TEX29: variants seen among roughly 807,000 people sequenced by gnomAD.
TEX29 encodes testis expressed 29.
A neutral mutation model predicts 18.2 loss-of-function variants in TEX29; 26 were observed. The observed-to-expected ratio is 1.43, with a 90% CI of 1.04 to 1.98. TEX29 has a LOEUF of 1.98. Ranked by LOEUF, TEX29 falls within the 30% of genes most tolerant of loss-of-function variation. TEX29 has a pLI of 0.00. For synonymous variants in TEX29, 83 were observed against 78.5 expected (o/e 1.06, Z -0.31); for missense variants, 177 against 194.2 (o/e 0.91, Z 0.53).
chr13:111,328,654 G>GC (rs1484176230), intron 3 of TEX29, among the ~76,000 whole-genome samples: 5 of 152,216 alleles, frequency 3.3e-5, no homozygotes, highest in Non-Finnish European at 7.3e-5. Flanking sequence ...CGCCGGCAGG[G>GC]CCCGGGCCAG....
upstream of TEX29, among the ~76,000 whole-genome samples, chr13:111,316,611 G>T (rs1197415592): frequency 6.6e-6 from 1 of 152,262 alleles, no homozygotes; most frequent in Admixed American, 6.5e-5. Context: ...GCTGTCCACA[G>T]TGGCTGAGAA....
chr13:111,316,912 C>G (rs778512480), upstream of TEX29, among the ~76,000 whole-genome samples: 4 of 152,120 alleles, frequency 2.6e-5, no homozygotes, highest in African/African-American at 4.8e-5. Context: ...GGCACCTTCA[C>G]AAGGTGGTGA....
At chr13:111,334,306 T>G (rs961666647) in intron 3 of TEX29, among the ~76,000 whole-genome samples, 1 of 152,376 alleles carries the variant, frequency 6.6e-6, no homozygotes, top group East Asian at 1.9e-4. Flanking sequence ...GTCTTTATTC[T>G]TTGTGGTGTG....
chr13:111,322,960 T>C (rs1037582238), intron 2 of TEX29, among the ~76,000 whole-genome samples: 5 of 152,146 alleles, frequency 3.3e-5, no homozygotes, highest in Non-Finnish European at 7.4e-5. Flanking sequence ...TCAGGCCCTC[T>C]CTGCCACCCA....
At chr13:111,333,126 T>C (rs2093684935) in intron 3 of TEX29, among the ~76,000 whole-genome samples, 2 of 152,236 alleles carry the variant, frequency 1.3e-5, no homozygotes, top group African/African-American at 2.4e-5. Flanking sequence ...TTGTATATAA[T>C]GTGTCACTTC....
chr13:111,334,106 T>A (rs1215239872), intron 3 of TEX29, among the ~76,000 whole-genome samples: 1 of 152,240 alleles, frequency 6.6e-6, no homozygotes, highest in Non-Finnish European at 1.5e-5. Context: ...TTAATGGCAT[T>A]TTTTATGTAT....
intron 3 of TEX29, among the ~76,000 whole-genome samples, chr13:111,336,182 C>CT (rs1250309095): frequency 2.0e-5 from 3 of 152,218 alleles, no homozygotes; most frequent in African/African-American, 4.8e-5. Context: ...ATCATTCTAA[C>CT]TTTAACAGCT....
chr13:111,340,142 CAT>C (rs2093695620), intron 4 of TEX29, among the ~76,000 whole-genome samples: 3 of 151,802 alleles, frequency 2.0e-5, no homozygotes, highest in African/African-American at 4.8e-5. Flanking sequence ...AATCATAACC[CAT>C]GTTTAGTGAG....
At chr13:111,343,163 C>T (rs1349684977) in intron 5 of TEX29, among the ~76,000 whole-genome samples, 1 of 152,216 alleles carries the variant, frequency 6.6e-6, no homozygotes, top group Non-Finnish European at 1.5e-5. Context: ...TCCCCCTTCC[C>T]ATCCCCTTTT....
chr13:111,342,693 G>C (rs1354888815), intron 4 of TEX29, 63 bp from the exon 5 acceptor site: 3 of 1,535,372 alleles, frequency 2.0e-6, no homozygotes, highest in Non-Finnish European at 2.7e-6. Flanking sequence ...GGGTGGGAGG[G>C]AGGAACTGGA....
chr13:111,328,133 A>T, intron 2 of TEX29, 50 bp from the exon 3 acceptor site: 1 of 1,210,018 alleles, frequency 8.3e-7, no homozygotes, highest in Non-Finnish European at 1.2e-6. Context: ...CGGAGAGCAG[A>T]GTGGCTTTGT....
At chr13:111,321,590 C>G (rs888645970) in intron 2 of TEX29, among the ~76,000 whole-genome samples, 1 of 151,700 alleles carries the variant, frequency 6.6e-6, no homozygotes, top group Non-Finnish European at 1.5e-5. Flanking sequence ...ATCTTGTGTT[C>G]ATGCAATGCT....
intron 2 of TEX29, among the ~76,000 whole-genome samples, chr13:111,323,294 T>TG (rs576847536): frequency 2.1e-3 from 321 of 152,242 alleles, no homozygotes; most frequent in African/African-American, 7.2e-3. Context: ...GCGGGTGACC[T>TG]GGGGGTGAAA....
At position 111,339,832 on chromosome 13, in the gene TEX29, C is replaced by T. The variant is rs372470135; in HGVS notation, c.170-31C>T. The T allele has an allele frequency of 9.3e-5, 149 of 1,608,408 alleles. No homozygotes were observed. In the African/African-American group the frequency reaches 1.2e-3, roughly 13 times the overall value. ...TTCTTCCTTTTCTATTTACCTGGATCGAAATGACTTCAAATCCCACCATTT... is the reference window on the plus strand; with the variant it reads ...TTCTTCCTTTTCTATTTACCTGGATTGAAATGACTTCAAATCCCACCATTT... On this transcript the variant is annotated intron_variant, in intron 3 of 5. Coordinates refer to ENST00000283547, the MANE Select transcript of TEX29 (RefSeq NM_152324.3).
At chr13:111,316,744 T>A, upstream of TEX29, among the ~76,000 whole-genome samples, 1 of 152,232 alleles carries the variant, frequency 6.6e-6, no homozygotes, top group Non-Finnish European at 1.5e-5. Flanking sequence ...CTGTTTTAAT[T>A]TCTTTCTTAC....
chr13:111,330,362 G>C (rs371811043), intron 3 of TEX29, among the ~76,000 whole-genome samples: 2 of 152,128 alleles, frequency 1.3e-5, no homozygotes, highest in Non-Finnish European at 2.9e-5. Context: ...ATGAATTTTC[G>C]CTCCTCAGAG....
At chr13:111,328,330 G>T in intron 3 of TEX29, 37 bp downstream of exon 3, 1 of 1,476,070 alleles carries the variant, frequency 6.8e-7, no homozygotes, top group Non-Finnish European at 9.5e-7. Flanking sequence ...GGCGGAAGCC[G>T]AGGTAGCTGG....
At chr13:111,335,641 T>G (rs1370515277) in intron 3 of TEX29, among the ~76,000 whole-genome samples, 2 of 152,226 alleles carry the variant, frequency 1.3e-5, no homozygotes, top group Admixed American at 6.5e-5. Context: ...CCAAGGCACT[T>G]ATACCACTTA....
In TEX29 at chr13:111,342,509, G is replaced by A. The variant is rs112956458; in HGVS notation, c.240-247G>A. ...CGGGAGTTGGAGGCTGCAGTGAGCCGTGTTTGTGCCATTGCACTCCAGCCT... is the reference window on the plus strand; with the variant it reads ...CGGGAGTTGGAGGCTGCAGTGAGCCATGTTTGTGCCATTGCACTCCAGCCT... On this transcript the variant is annotated intron_variant, in intron 4 of 5. Transcript: ENST00000283547. Among the ~76,000 whole-genome samples the A allele has an allele frequency of 4.3e-3, 575 of 134,696 alleles. 6 individuals are homozygous for A. Among genetic ancestry groups the A allele is most frequent in the African/African-American group, 0.016 (543 of 33,908 alleles). 88.4% of individuals were successfully genotyped at this position (134,696 alleles called of 152,430 possible).
Sources: allele counts gnomAD v4.1 joint callset (sites outside exome capture counted in the v4.1 genomes callset), GRCh38; gene constraint gnomAD v4.1.1; transcripts MANE v1.5; gene names NCBI Gene and HGNC (gene_info 2026-07-23, HGNC 2026-07-21).